DNAJC2: variants seen among roughly 807,000 people sequenced by gnomAD.
DNAJC2 encodes dnaJ homolog subfamily C member 2.
A neutral mutation model predicts 94.0 loss-of-function variants in DNAJC2; 32 were observed. The ratio of observed to expected loss-of-function variants is 0.34; its 90% confidence interval spans 0.26 to 0.46. The LOEUF is 0.46. DNAJC2 is among the 20% of genes least tolerant of loss of function. The pLI is 1.00. For synonymous variants in DNAJC2, 210 were observed against 229.7 expected, an observed-to-expected ratio of 0.91 and a Z score of 0.77; for missense variants, 550 against 719.5, an observed-to-expected ratio of 0.76 and a Z score of 2.69.
chr7:103,320,030 T>C (rs1818294609), intron 10 of DNAJC2, among the ~76,000 whole-genome samples, 186 bp from the exon 11 acceptor site: 1 of 152,030 alleles, frequency 6.6e-6, no homozygotes, highest in East Asian at 1.9e-4. Flanking sequence ...CAAGACTCCA[T>C]CTCAAAAAAA....
chr7:103,324,434 T>C (rs1818590174), intron 6 of DNAJC2, 48 bp downstream of exon 6: 1 of 1,406,672 alleles, frequency 7.1e-7, no homozygotes, highest in East Asian at 2.6e-5. Context: ...ATTGAATACT[T>C]TTCCTTTTAA....
At chr7:103,321,388 G>A (rs1586078812) in intron 10 of DNAJC2, among the ~76,000 whole-genome samples, 1 of 147,118 alleles carries the variant, frequency 6.8e-6, no homozygotes, top group African/African-American at 2.5e-5. Flanking sequence ...CGTGGTGGCA[G>A]GCACCTGTAA....
chr7:103,339,835 T>A (rs1819311399), intron 2 of DNAJC2, among the ~76,000 whole-genome samples: 1 of 151,666 alleles, frequency 6.6e-6, no homozygotes. Flanking sequence ...CACAGGTGAC[T>A]CTTCCCACGC....
In DNAJC2 at chr7:103,324,576, G is replaced by T; in HGVS notation, c.573-14C>A. The T allele has an allele frequency of 7.0e-7, 1 of 1,437,798 alleles. No individual in the cohort carries two copies. Among genetic ancestry groups the T allele is most frequent in the Non-Finnish European group, 9.3e-7 (1 of 1,074,348 alleles). 89.1% of individuals were successfully genotyped at this position (1,437,798 alleles called of 1,614,324 possible). ...TTATTTGACCATCTGAAATATCAAA[G>T]GAAATATTCTTACAATTCTTCAAAA... is the stretch of plus-strand genomic sequence containing the variant. On this transcript the variant is annotated splice_polypyrimidine_tract_variant and intron_variant, in intron 5 of 16. Transcript: ENST00000379263.
intron 3 of DNAJC2, chr7:103,337,001 C>A (rs936411855): frequency 7.9e-5 from 12 of 152,246 alleles, no homozygotes; most frequent in African/African-American, 2.9e-4. Flanking sequence ...GCTCCTTTTC[C>A]ATGTGGCCAC....
chr7:103,339,604 GTT>G (rs35504252), intron 2 of DNAJC2, among the ~76,000 whole-genome samples: 5 of 143,910 alleles, frequency 3.5e-5, no homozygotes, highest in Admixed American at 7.0e-5. Flanking sequence ...AAATCCAATG[GTT>G]TTTTTTTTTT....
At chr7:103,338,767 G>A (rs764189404) in intron 2 of DNAJC2, among the ~76,000 whole-genome samples, 15 of 151,812 alleles carry the variant, frequency 9.9e-5, no homozygotes, top group African/African-American at 2.2e-4. Flanking sequence ...AAAATTAGCC[G>A]GGCGTGGTGG....
chr7:103,327,769 A>G lies in DNAJC2; in HGVS notation c.332-15T>C, dbSNP rs761562556. 12 of 1,573,084 alleles carry G rather than the reference A, an allele frequency of 7.6e-6. No individual in the cohort carries two copies. The highest frequency in any genetic ancestry group is 8.7e-6 in the Non-Finnish European group (10 of 1,148,850). On this transcript the variant is annotated splice_polypyrimidine_tract_variant and intron_variant, in intron 3 of 16. Transcript: ENST00000379263. ...CATTGCTTTATCTACAAAACCAGTC[A>G]GATTGAGATAATTTGTCACTTTAAG...
In DNAJC2 at chr7:103,321,694, A is replaced by C. The variant is rs574529141; in HGVS notation, c.1083+238T>G. Among the ~76,000 whole-genome samples the C allele has an allele frequency of 6.3e-4, 96 of 151,958 alleles. 1 individual carries two copies. Among genetic ancestry groups the C allele is most frequent in the African/African-American group, 2.2e-3 (93 of 41,430 alleles). ...GAAACCCTGTCTCTACTAAAAATAC[A>C]AAAAATTAGCCAGGCGTGGTGGCAC... On this transcript the variant is annotated intron_variant, in intron 10 of 16. Coordinates refer to ENST00000379263, the MANE Select transcript of DNAJC2 (RefSeq NM_014377.3).
At chr7:103,318,260 G>A (rs566074969) in intron 12 of DNAJC2, among the ~76,000 whole-genome samples, 1 of 152,106 alleles carries the variant, frequency 6.6e-6, no homozygotes, top group East Asian at 1.9e-4. Flanking sequence ...TGACCTCCCA[G>A]GCTCAGGTAA....
Position 103,327,768 on chromosome 7 carries a change from C to G in DNAJC2, c.332-14G>C. ...CCATTGCTTTATCTACAAAACCAGT[C>G]AGATTGAGATAATTTGTCACTTTAA... is the stretch of plus-strand genomic sequence containing the variant. On this transcript the variant is annotated splice_polypyrimidine_tract_variant and intron_variant, in intron 3 of 16. Coordinates refer to ENST00000379263, the MANE Select transcript of DNAJC2 (RefSeq NM_014377.3). The G allele has an allele frequency of 1.3e-6, 2 of 1,577,358 alleles. No homozygotes were observed. The highest frequency in any genetic ancestry group is 2.7e-5 in the African/African-American group (2 of 73,964).
At chr7:103,333,721 T>C (rs1178891350) in intron 3 of DNAJC2, among the ~76,000 whole-genome samples, 1 of 152,244 alleles carries the variant, frequency 6.6e-6, no homozygotes, top group Non-Finnish European at 1.5e-5. Context: ...TTTTGCATGT[T>C]CTTGAGCTTC....
rs1369990341 is a variant in DNAJC2 at position 103,344,703 on chromosome 7, T to A, written c.-81A>T. 2.8e-6 allele frequency: 4 copies of A among 1,452,712 alleles called. No homozygotes were observed. The highest frequency in any genetic ancestry group is 3.4e-5 in the Admixed American group (2 of 58,422). 90.0% of individuals were successfully genotyped at this position (1,452,712 alleles called of 1,614,324 possible). A position where few individuals can be genotyped will look rare whatever the true frequency, so the allele number is the denominator to read the frequency against. On this transcript the variant is annotated 5_prime_UTR_variant, in exon 1 of 17. Transcript: ENST00000379263. Reference sequence around the variant, plus strand: ...GCTTAGGGTCCCCTCCAGCTCTACCTCTCACTCCGAGCCTCGCGCCTTGGC... The same window carrying A: ...GCTTAGGGTCCCCTCCAGCTCTACCACTCACTCCGAGCCTCGCGCCTTGGC...
chr7:103,318,778 T>C (rs1053052072), intron 12 of DNAJC2, among the ~76,000 whole-genome samples: 1 of 152,212 alleles, frequency 6.6e-6, no homozygotes, highest in South Asian at 2.1e-4. Flanking sequence ...ATGAAAATAC[T>C]CAAGGAATAA....
At position 103,324,496 on chromosome 7, in the gene DNAJC2, T is replaced by G; in HGVS notation, c.639A>C (p.Ile213=). ...DMNSSFEDVD[I]FYSFWYNFDS... is the part of the protein sequence containing the mutation. ...TATTCACTTACCAGAAAGAATAAAA[T>G]ATATCTACATCTTCAAATGATGAAT... is the stretch of plus-strand genomic sequence containing the variant. Residue 213 remains isoleucine (I), a synonymous_variant, in exon 6 of 17, where the codon ATA becomes ATC. Coordinates refer to ENST00000379263, the MANE Select transcript of DNAJC2 (RefSeq NM_014377.3). The G allele has an allele frequency of 6.7e-7, 1 of 1,497,374 alleles. No individual in the cohort carries two copies. The highest frequency in any genetic ancestry group is 9.0e-7 in the Non-Finnish European group (1 of 1,112,616). The allele number at this position is 1,497,374 out of a possible 1,614,324, so 92.8% of individuals were successfully genotyped here. A position where few individuals can be genotyped will look rare whatever the true frequency, so the allele number is the denominator to read the frequency against.
intron 4 of DNAJC2, 138 bp from the exon 5 acceptor site, chr7:103,326,822 T>C (rs758313774): frequency 6.2e-6 from 5 of 804,158 alleles, no homozygotes; most frequent in Non-Finnish European, 9.4e-6. Context: ...TTGGGGAGGA[T>C]TTAATTTAGG....
At chr7:103,327,563 G>T in intron 4 of DNAJC2, 93 bp downstream of exon 4, 1 of 816,924 alleles carries the variant, frequency 1.2e-6, no homozygotes, top group Non-Finnish European at 2.0e-6. Context: ...AAGGATAGTT[G>T]AATGAACTAC....
At chr7:103,315,212 C>T (rs1817981838) in intron 15 of DNAJC2, among the ~76,000 whole-genome samples, 1 of 151,272 alleles carries the variant, frequency 6.6e-6, no homozygotes, top group African/African-American at 2.4e-5. Flanking sequence ...TGGTTTTGAA[C>T]CCTAACAATT....
At position 103,322,730 on chromosome 7, in the gene DNAJC2, C is replaced by T. The variant is rs1818488171; in HGVS notation, c.784G>A (p.Glu262Lys). Residue 262 changes from glutamate to lysine, a missense_variant, in exon 8 of 17, where the codon GAA becomes AAA. Coordinates refer to ENST00000379263, the MANE Select transcript of DNAJC2 (RefSeq NM_014377.3). ...RATRAQRKKE[E>K]MNRIRTLVDN... ...ACTAATGTTCTTATTCTGTTCATTT[C>T]TTCTTTTTTTCTTTGTGCTCTTGTT... The T allele has an allele frequency of 6.2e-7, 1 of 1,611,700 alleles. No homozygotes were observed. Among genetic ancestry groups the T allele is most frequent in the Non-Finnish European group, 8.5e-7 (1 of 1,179,820 alleles).
Sources: allele counts gnomAD v4.1 joint callset (sites outside exome capture counted in the v4.1 genomes callset), GRCh38; gene constraint gnomAD v4.1.1; transcripts MANE v1.5; gene names NCBI Gene and HGNC (gene_info 2026-07-23, HGNC 2026-07-21).